ATF7: variants seen among roughly 807,000 people sequenced by gnomAD.
The protein encoded by ATF7 is activating transcription factor 7.
A neutral mutation model predicts 50.4 loss-of-function variants in ATF7; 10 were observed. That is an observed-to-expected ratio of 0.20 (90% CI 0.12 to 0.34). The LOEUF (loss-of-function observed/expected upper bound fraction) is 0.34, where lower values mean the gene tolerates loss of function less well. Among genes scored for constraint, ATF7 ranks in the 10% least tolerant of loss-of-function variants. ATF7 has a pLI of 1.00. For missense variants in ATF7, 465 were observed against 613.9 expected (o/e 0.76, Z 2.56); for synonymous variants, 201 against 226.4 (o/e 0.89, Z 1.01).
chr12:53,588,711 C>A (rs1013653207), intron 2 of ATF7, among the ~76,000 whole-genome samples: 4 of 152,158 alleles, frequency 2.6e-5, no homozygotes, highest in Non-Finnish European at 4.4e-5. Flanking sequence ...GATGCTGAAG[C>A]CTTGATTTTA....
In ATF7 at chr12:53,600,964, C is replaced by G; in HGVS notation, c.37G>C (p.Gly13Arg). 1 of 1,613,424 alleles carries G rather than the reference C, an allele frequency of 6.2e-7. No homozygotes were observed. Among genetic ancestry groups the G allele is most frequent in the Non-Finnish European group, 8.5e-7 (1 of 1,179,688 alleles). The change falls in exon 2 of 12, where the codon GGC (glycine) becomes CGC (arginine). Residue 13 changes from glycine (G) to arginine (R), a missense_variant. Gly to Arg is a moderately radical substitution (Grantham distance 125). Coordinates refer to ENST00000420353, the MANE Select transcript of ATF7 (RefSeq NM_006856.3). ...TATTGTAAACGTACCTGTCCACAGC[C>G]CGGGGCATTGCACACAAACGGTCTG... ...DDRPFVCNAP[G>R]CGQRFTNEDH...
chr12:53,531,609 A>G, intron 9 of ATF7, 135 bp downstream of exon 9: 1 of 972,772 alleles, frequency 1.0e-6, no homozygotes, highest in Non-Finnish European at 1.4e-6. Context: ...TCAAACTGCC[A>G]TCAAGAACCA....
chr12:53,583,307 C>T (rs541772224), intron 2 of ATF7, among the ~76,000 whole-genome samples: 33 of 151,938 alleles, frequency 2.2e-4, no homozygotes, highest in Middle Eastern at 3.4e-3. Context: ...AGTCCCAACC[C>T]TACTGTGAAC....
chr12:53,569,175 TA>T (rs978068597), intron 2 of ATF7, among the ~76,000 whole-genome samples: 1 of 151,444 alleles, frequency 6.6e-6, no homozygotes, highest in Admixed American at 6.6e-5. Context: ...CCATGTCTCT[TA>T]AAAAAAATAA....
intron 2 of ATF7, among the ~76,000 whole-genome samples, chr12:53,578,421 C>T (rs1209678037): frequency 6.8e-6 from 1 of 148,002 alleles, no homozygotes; most frequent in Admixed American, 6.8e-5. Flanking sequence ...TCAAGCAAAC[C>T]AAAATACGGA....
rs1430598272 is a variant in ATF7 at position 53,524,477 on chromosome 12, C to A, written c.1125+87G>T. 3 of 1,435,062 alleles carry A rather than the reference C, an allele frequency of 2.1e-6. No homozygotes were observed. Among genetic ancestry groups the A allele is most frequent in the Non-Finnish European group, 2.9e-6 (3 of 1,038,060 alleles). 88.9% of individuals were successfully genotyped at this position (1,435,062 alleles called of 1,614,324 possible). A position where few individuals can be genotyped will look rare whatever the true frequency, so the allele number is the denominator to read the frequency against. On this transcript the variant is annotated intron_variant, in intron 10 of 11. Transcript: ENST00000420353. This position sits in a 1 kb window ranked among gnomAD's most constrained non-coding sequence, Gnocchi z 4.6. ...TCTGTCCTAATTAGAGAATTACCATCTTCTATCAAATTGTACCACTTTTTT... is the reference window on the plus strand; with the variant it reads ...TCTGTCCTAATTAGAGAATTACCATATTCTATCAAATTGTACCACTTTTTT...
At chr12:53,530,919 G>C (rs1280360289) in intron 9 of ATF7, among the ~76,000 whole-genome samples, 2 of 151,732 alleles carry the variant, frequency 1.3e-5, no homozygotes, top group African/African-American at 2.4e-5. Flanking sequence ...TATTTTTTGA[G>C]GTATCTTAAC....
downstream of ATF7, among the ~76,000 whole-genome samples, chr12:53,508,757 C>T (rs1944072900): frequency 6.6e-6 from 1 of 152,070 alleles, no homozygotes; most frequent in African/African-American, 2.4e-5. Context: ...CTCCTCATTG[C>T]CAGCTCCGGC....
At chr12:53,564,682 A>C (rs1941344880) in intron 2 of ATF7, among the ~76,000 whole-genome samples, 1 of 152,230 alleles carries the variant, frequency 6.6e-6, no homozygotes, top group South Asian at 2.1e-4. Flanking sequence ...AGAGGGGAAC[A>C]GAAAAAGAAT....
At chr12:53,567,383 T>C (rs1941496927) in intron 2 of ATF7, among the ~76,000 whole-genome samples, 1 of 152,180 alleles carries the variant, frequency 6.6e-6, no homozygotes, top group Admixed American at 6.5e-5. Flanking sequence ...CAATGCTGCT[T>C]TGGAAACTGG....
intron 3 of ATF7, among the ~76,000 whole-genome samples, chr12:53,551,060 G>A (rs1251996322): frequency 6.6e-6 from 1 of 152,118 alleles, no homozygotes; most frequent in Non-Finnish European, 1.5e-5. Context: ...ACTTATACTT[G>A]TCTGCAAATA....
chr12:53,610,193 A>T (rs1245873511), intron 1 of ATF7, among the ~76,000 whole-genome samples: 1 of 152,096 alleles, frequency 6.6e-6, no homozygotes, highest in Non-Finnish European at 1.5e-5. Flanking sequence ...GAGAGTTACA[A>T]AATATATATA....
chr12:53,590,808 CCTA>C (rs1329369138), intron 2 of ATF7, among the ~76,000 whole-genome samples: 6 of 152,076 alleles, frequency 3.9e-5, no homozygotes, highest in Non-Finnish European at 4.4e-5. Flanking sequence ...CTATATGATT[CCTA>C]CTACATGACA....
Position 53,552,611 on chromosome 12 carries a change from T to G in ATF7, c.75A>C (p.Ala25=), listed in dbSNP as rs954129120. 6.2e-7 allele frequency: 1 copy of G among 1,613,790 alleles called. No individual in the cohort carries two copies. The highest frequency in any genetic ancestry group is 8.5e-7 in the Non-Finnish European group (1 of 1,179,832). ...GQRFTNEDHL[A]VHKHKHEMTL... Reference sequence around the variant, plus strand: ...TCATCTCATGCTTGTGTTTATGAACTGCCAGGTGGTCCTCGTTTGTAAATC... The same window carrying G: ...TCATCTCATGCTTGTGTTTATGAACGGCCAGGTGGTCCTCGTTTGTAAATC... The change falls in exon 3 of 12, where the codon GCA becomes GCC. Residue 25 remains alanine, a synonymous_variant. Coordinates refer to ENST00000420353, the MANE Select transcript of ATF7 (RefSeq NM_006856.3).
chr12:53,525,693 T>G (rs1938411232), intron 9 of ATF7, among the ~76,000 whole-genome samples: 1 of 152,230 alleles, frequency 6.6e-6, no homozygotes. Flanking sequence ...GATATAGGAC[T>G]GTCTTGTTTT....
At chr12:53,511,397 C>T (rs1325591958), downstream of ATF7, among the ~76,000 whole-genome samples, 2 of 152,044 alleles carry the variant, frequency 1.3e-5, no homozygotes, top group Non-Finnish European at 2.9e-5. Context: ...TACAGGCGCC[C>T]GCCACCAACA....
chr12:53,616,397 A>AT (rs772856241), intron 1 of ATF7, among the ~76,000 whole-genome samples: 1 of 151,922 alleles, frequency 6.6e-6, no homozygotes, highest in East Asian at 2.0e-4. Flanking sequence ...TAATTTTAAA[A>AT]TTTTTTGTAG....
At chr12:53,553,297 G>C (rs1476724277) in intron 2 of ATF7, among the ~76,000 whole-genome samples, 1 of 152,122 alleles carries the variant, frequency 6.6e-6, no homozygotes, top group Non-Finnish European at 1.5e-5. Context: ...CGGGCAGCCC[G>C]CCTGGGCTCC....
At chr12:53,527,772 CA>C (rs1217041423) in intron 9 of ATF7, among the ~76,000 whole-genome samples, 7 of 141,196 alleles carry the variant, frequency 5.0e-5, no homozygotes, top group Admixed American at 2.8e-4. Context: ...GAGACTCTGA[CA>C]AAAAAAAAAG....
Sources: allele counts gnomAD v4.1 joint callset (sites outside exome capture counted in the v4.1 genomes callset), GRCh38; gene constraint gnomAD v4.1.1; non-coding constraint Gnocchi (gnomAD v3.1); transcripts MANE v1.5; gene names NCBI Gene and HGNC (gene_info 2026-07-23, HGNC 2026-07-21).